Variants in CSMD1 observed in about 807,000 individuals in gnomAD.
CSMD1 encodes the protein CUB and Sushi multiple domains 1.
CSMD1 carries 213 observed loss-of-function variants against 417.5 expected under a neutral mutation model. That is an observed-to-expected ratio of 0.51 (90% CI 0.46 to 0.57). The LOEUF (loss-of-function observed/expected upper bound fraction) is 0.57. CSMD1 is among the 20% of genes least tolerant of loss of function. The pLI is 0.00. For missense variants in CSMD1, 6,923 were observed against 4,529.7 expected (o/e 1.53, Z -15.17); for synonymous variants, 2,862 against 1,736.8 (o/e 1.65, Z -16.11).
At chr8:4,972,676 T>C (rs1810313279) in intron 1 of CSMD1, among the ~76,000 whole-genome samples, 2 of 150,790 alleles carry the variant, frequency 1.3e-5, no homozygotes, top group East Asian at 1.9e-4. Context: ...ATCGTTGACT[T>C]TCCTTCAACA....
chr8:4,616,670 G>A (rs1426503535), intron 2 of CSMD1, among the ~76,000 whole-genome samples: 11 of 152,172 alleles, frequency 7.2e-5, no homozygotes. Flanking sequence ...AGAGCCAACA[G>A]TAAACTGACT....
intron 41 of CSMD1, among the ~76,000 whole-genome samples, chr8:3,138,783 G>C (rs1183799637): frequency 6.6e-6 from 1 of 152,212 alleles, no homozygotes; most frequent in African/African-American, 2.4e-5. Flanking sequence ...CACAGCCTGG[G>C]AGACAGAAAT....
At chr8:4,219,640 T>C (rs1423897421) in intron 3 of CSMD1, among the ~76,000 whole-genome samples, 1 of 152,216 alleles carries the variant, frequency 6.6e-6, no homozygotes, top group Non-Finnish European at 1.5e-5. Flanking sequence ...AGCAAATCTT[T>C]GTTCACTAAT....
At chr8:4,214,756 TTCCTC>T (rs1393328183) in intron 3 of CSMD1, among the ~76,000 whole-genome samples, 1 of 152,184 alleles carries the variant, frequency 6.6e-6, no homozygotes, top group Non-Finnish European at 1.5e-5. Context: ...TTTGACATAT[TTCCTC>T]TAAATGCTGT....
Position 4,594,195 on chromosome 8 carries a change from C to CTTTTTTTTTTTT in CSMD1, c.302+43135_302+43146dup, listed in dbSNP as rs771415822. ...TTAACTTGATTAATTCTAAAGTGAT[C>CTTTTTTTTTTTT]TTTTTTTTTTTTTTTTTTTTTTCTC... On this transcript the variant is annotated intron_variant, in intron 2 of 69. Transcript: ENST00000635120. 7.4e-4 allele frequency among the ~76,000 whole-genome samples: 68 copies of CTTTTTTTTTTTT among 92,364 alleles called. 2 individuals carry two copies. Among genetic ancestry groups the CTTTTTTTTTTTT allele is most frequent in the Non-Finnish European group, 9.9e-4 (48 of 48,676 alleles). 60.6% of individuals were successfully genotyped at this position (92,364 alleles called of 152,430 possible). A position where few individuals can be genotyped will look rare whatever the true frequency, so the allele number is the denominator to read the frequency against.
intron 2 of CSMD1, among the ~76,000 whole-genome samples, chr8:4,491,306 G>C (rs1476934733): frequency 6.6e-6 from 1 of 152,158 alleles, no homozygotes; most frequent in Non-Finnish European, 1.5e-5. Context: ...ACGTGCCAAG[G>C]AGTGCAGCCT....
intron 5 of CSMD1, among the ~76,000 whole-genome samples, chr8:3,974,537 T>C (rs981360586): frequency 6.6e-6 from 1 of 152,052 alleles, no homozygotes; most frequent in African/African-American, 2.4e-5. Context: ...GTTGTTTAGT[T>C]GTCTCAAAAT....
chr8:4,476,328 A>T (rs990297414), intron 2 of CSMD1, among the ~76,000 whole-genome samples: 4 of 152,170 alleles, frequency 2.6e-5, no homozygotes, highest in Admixed American at 6.5e-5. Context: ...TCACATGTCA[A>T]ATTTAGGATC....
chr8:4,306,504 A>AT (rs1798256854), intron 3 of CSMD1, among the ~76,000 whole-genome samples: 1 of 151,860 alleles, frequency 6.6e-6, no homozygotes, highest in South Asian at 2.1e-4. Flanking sequence ...TCATTTCTAG[A>AT]ACCACTGATA....
intron 2 of CSMD1, among the ~76,000 whole-genome samples, chr8:4,436,503 C>T (rs1188747784): frequency 6.6e-6 from 1 of 152,098 alleles, no homozygotes; most frequent in Non-Finnish European, 1.5e-5. Flanking sequence ...GGGTATCTCT[C>T]CTCTCAAACA....
chr8:3,747,810 C>T (rs1435215016), intron 6 of CSMD1, among the ~76,000 whole-genome samples: 4 of 151,938 alleles, frequency 2.6e-5, no homozygotes, highest in African/African-American at 4.8e-5. Context: ...TTGTTTTGTT[C>T]TTTATGTTTT....
At chr8:3,675,251 T>C (rs551959768) in intron 7 of CSMD1, among the ~76,000 whole-genome samples, 3 of 152,188 alleles carry the variant, frequency 2.0e-5, no homozygotes, top group Non-Finnish European at 4.4e-5. Flanking sequence ...TTCATTGACC[T>C]GGCTGGCATG....
At chr8:3,742,589 A>G (rs937696956) in intron 6 of CSMD1, among the ~76,000 whole-genome samples, 3 of 152,192 alleles carry the variant, frequency 2.0e-5, no homozygotes, top group Non-Finnish European at 4.4e-5. Context: ...GCCCCGGGCC[A>G]GTAGTGCTTC....
chr8:3,496,382 C>T lies in CSMD1; in HGVS notation c.1345-2656G>A, dbSNP rs192828036. On this transcript the variant is annotated intron_variant, in intron 10 of 69. Transcript: ENST00000635120. The stretch of plus-strand genomic sequence containing the variant: ...GAGGGCAGACACCATGTGGCTTGCT[C>T]GTGGAGGGAAGCACTGGCCTCAACC... 3.8e-3 allele frequency among the ~76,000 whole-genome samples: 584 copies of T among 152,220 alleles called. 10 individuals are homozygous for T. Among genetic ancestry groups the T allele is most frequent in the Admixed American group, 0.036 (550 of 15,286 alleles).
rs538695034 is a variant in CSMD1, at chr8:3,738,317, C to G, written c.931+15613G>C. On this transcript the variant is annotated intron_variant, in intron 6 of 69. Coordinates refer to ENST00000635120, the MANE Select transcript of CSMD1 (RefSeq NM_033225.6). ...CTTAGATATTTGTATGTGTATTTTG[C>G]ATATTTCAATACATCGTACAATGCA... Among the ~76,000 whole-genome samples, 18 of 152,264 alleles carry G rather than the reference C, an allele frequency of 1.2e-4. No homozygotes were observed. In the South Asian group the frequency reaches 3.5e-3, roughly 30 times the overall value.
chr8:4,246,601 T>A (rs555796563), intron 3 of CSMD1, among the ~76,000 whole-genome samples: 1 of 152,314 alleles, frequency 6.6e-6, no homozygotes, highest in South Asian at 2.1e-4. Context: ...GAATTTGATA[T>A]GATGGGTCTA....
rs1418917970 is a variant in CSMD1, at chr8:3,331,295, G to C, written c.3631+11999C>G. Among the ~76,000 whole-genome samples, 3 of 152,186 alleles carry C rather than the reference G, an allele frequency of 2.0e-5. No homozygotes were observed. The Middle Eastern group carries it at 0.01, about 518-fold the overall frequency. ...TTTAGATTCTGATTTCAGACTGAGG[G>C]AGCAACTAACGTTGATATCTGTGGT... On this transcript the variant is annotated intron_variant, in intron 23 of 69. Coordinates refer to ENST00000635120, the MANE Select transcript of CSMD1 (RefSeq NM_033225.6).
At chr8:3,450,229 C>T (rs1815608722) in intron 12 of CSMD1, among the ~76,000 whole-genome samples, 1 of 152,190 alleles carries the variant, frequency 6.6e-6, no homozygotes, top group Admixed American at 6.5e-5. Flanking sequence ...GACCAACTGA[C>T]TTCATGGTCT....
At chr8:3,451,753 G>A (rs185342588) in intron 12 of CSMD1, among the ~76,000 whole-genome samples, 166 of 152,260 alleles carry the variant, frequency 1.1e-3, no homozygotes, top group Non-Finnish European at 1.9e-3. Flanking sequence ...GTAGCATGAC[G>A]CCTCCAGCTT....
Sources: allele counts gnomAD v4.1 joint callset (sites outside exome capture counted in the v4.1 genomes callset), GRCh38; gene constraint gnomAD v4.1.1; transcripts MANE v1.5; gene names NCBI Gene and HGNC (gene_info 2026-07-23, HGNC 2026-07-21).